The following CNTLN variants were observed in gnomAD, a reference collection of about 807,000 sequenced individuals.
CNTLN encodes the protein centlein, centrosomal protein.
In CNTLN, 212 loss-of-function variants were observed where a neutral mutation model predicts 180.0. The observed-to-expected ratio is 1.18, with a 90% CI of 1.05 to 1.32. The LOEUF (loss-of-function observed/expected upper bound fraction) is 1.32, where lower values mean the gene tolerates loss of function less well. Ranked by LOEUF, CNTLN falls within the 40% of genes most tolerant of loss-of-function variation. The pLI, the probability that CNTLN is intolerant of heterozygous loss-of-function variation, is 0.00. For missense variants in CNTLN, 2,095 were observed against 1,610.9 expected, an observed-to-expected ratio of 1.30 and a Z score of -5.14; for synonymous variants, 722 against 563.1, an observed-to-expected ratio of 1.28 and a Z score of -3.99.
intron 23 of CNTLN, among the ~76,000 whole-genome samples, chr9:17,483,425 A>G (rs1435212716): frequency 6.6e-6 from 1 of 152,208 alleles, no homozygotes; most frequent in Non-Finnish European, 1.5e-5. Context: ...AATTATAGTT[A>G]TACACACCCT....
intron 2 of CNTLN, among the ~76,000 whole-genome samples, chr9:17,175,824 C>A (rs946839448): frequency 6.6e-6 from 1 of 152,010 alleles, no homozygotes; most frequent in African/African-American, 2.4e-5. Context: ...GCATGCAAGT[C>A]CTATATATTG....
intron 8 of CNTLN, among the ~76,000 whole-genome samples, chr9:17,328,360 C>T (rs553109675): frequency 1.6e-4 from 24 of 152,238 alleles, no homozygotes; most frequent in African/African-American, 5.3e-4. Flanking sequence ...TGGACACTCT[C>T]CTTAGAAATC....
chr9:17,188,380 C>T (rs961167401), intron 2 of CNTLN, among the ~76,000 whole-genome samples: 5 of 152,040 alleles, frequency 3.3e-5, no homozygotes, highest in African/African-American at 1.2e-4. Context: ...AGATAGTTTT[C>T]AAAAACTATG....
intron 8 of CNTLN, among the ~76,000 whole-genome samples, chr9:17,311,925 C>A (rs552892240): frequency 1.3e-5 from 2 of 151,958 alleles, no homozygotes; most frequent in Admixed American, 6.6e-5. Context: ...ACTTACACTC[C>A]CTGATTTAAG....
intron 19 of CNTLN, among the ~76,000 whole-genome samples, chr9:17,462,661 T>C (rs1831521290): frequency 6.6e-6 from 1 of 151,758 alleles, no homozygotes; most frequent in Non-Finnish European, 1.5e-5. Flanking sequence ...TGTAAATGTA[T>C]TTTGGATACA....
chr9:17,303,430 A>C (rs1818504661), intron 7 of CNTLN, among the ~76,000 whole-genome samples: 1 of 152,116 alleles, frequency 6.6e-6, no homozygotes, highest in African/African-American at 2.4e-5. Context: ...CTCTGTGAAA[A>C]GGGCTTCCAT....
the CNTLN span, among the ~76,000 whole-genome samples, chr9:17,527,376 G>A: frequency 6.6e-6 from 1 of 152,186 alleles, no homozygotes. Context: ...AACTTTTCAA[G>A]CAGGCTATAC....
intron 8 of CNTLN, among the ~76,000 whole-genome samples, chr9:17,318,028 C>G (rs1041237501): frequency 6.2e-5 from 9 of 144,094 alleles, no homozygotes; most frequent in South Asian, 4.5e-4. Context: ...TTTTTCTTTT[C>G]TTTTTTTTTT....
intron 25 of CNTLN, among the ~76,000 whole-genome samples, chr9:17,494,226 A>C (rs563387426): frequency 6.6e-6 from 1 of 152,302 alleles, no homozygotes; most frequent in East Asian, 1.9e-4. Context: ...TAGATTTGCT[A>C]CTAGTCTCCC....
intron 2 of CNTLN, among the ~76,000 whole-genome samples, chr9:17,178,143 A>G (rs1459741347): frequency 2.6e-5 from 4 of 151,622 alleles, no homozygotes; most frequent in Non-Finnish European, 4.4e-5. Context: ...GCTAGACATA[A>G]AGGTTCTCCC....
chr9:17,371,348 T>A (rs1824300658), intron 13 of CNTLN, among the ~76,000 whole-genome samples: 1 of 152,116 alleles, frequency 6.6e-6, no homozygotes, highest in South Asian at 2.1e-4. Context: ...CCAAATAGAT[T>A]TCAAGCAAAA....
intron 12 of CNTLN, among the ~76,000 whole-genome samples, chr9:17,355,557 T>C (rs1322144698): frequency 6.6e-6 from 1 of 152,210 alleles, no homozygotes; most frequent in African/African-American, 2.4e-5. Context: ...AGTTGTTTAA[T>C]AGTTTTAACT....
chr9:17,436,614 C>T (rs535016363), intron 18 of CNTLN, among the ~76,000 whole-genome samples: 2 of 152,200 alleles, frequency 1.3e-5, no homozygotes, highest in South Asian at 2.1e-4. Context: ...GGCCTTATTT[C>T]GTGGATCTTC....
intron 5 of CNTLN, among the ~76,000 whole-genome samples, chr9:17,250,207 A>G (rs1826055396): frequency 6.6e-6 from 1 of 151,794 alleles, no homozygotes; most frequent in Non-Finnish European, 1.5e-5. Context: ...TACTATTTTC[A>G]TGGAATATCT....
At chr9:17,306,758 A>G (rs1416938089) in intron 7 of CNTLN, among the ~76,000 whole-genome samples, 1 of 152,174 alleles carries the variant, frequency 6.6e-6, no homozygotes, top group Non-Finnish European at 1.5e-5. Context: ...ATTCTTTAAT[A>G]ATATGTTCTA....
intron 18 of CNTLN, among the ~76,000 whole-genome samples, chr9:17,445,330 C>G (rs1432642053): frequency 6.6e-6 from 1 of 151,964 alleles, no homozygotes; most frequent in African/African-American, 2.4e-5. Flanking sequence ...ACGGTACAAC[C>G]AACGAGAGAC....
At chr9:17,186,671 A>G (rs1004497113) in intron 2 of CNTLN, among the ~76,000 whole-genome samples, 2 of 152,064 alleles carry the variant, frequency 1.3e-5, no homozygotes, top group South Asian at 4.1e-4. Flanking sequence ...ATGTGTATAT[A>G]TTTAGGTTCT....
chr9:17,279,532 C>T (rs78273820), intron 6 of CNTLN, among the ~76,000 whole-genome samples: 1,937 of 152,158 alleles, frequency 0.013, 13 homozygotes, highest in Non-Finnish European at 0.021. Flanking sequence ...AGCCTATTTC[C>T]ACTATAGTCT....
At chr9:17,269,391 C>G (rs940471257) in intron 5 of CNTLN, among the ~76,000 whole-genome samples, 3 of 152,060 alleles carry the variant, frequency 2.0e-5, no homozygotes, top group East Asian at 1.9e-4. Flanking sequence ...GTACTACATA[C>G]TTAACAGCTA....
Sources: gnomAD v4.1 joint callset for allele counts (sites outside exome capture counted in the v4.1 genomes callset) on GRCh38, gnomAD v4.1.1 for gene constraint, MANE v1.5 for transcripts, NCBI Gene and HGNC (gene_info 2026-07-23, HGNC 2026-07-21) for gene names.